NCF2: variants seen among roughly 807,000 people sequenced by gnomAD.
NCF2 encodes the protein neutrophil cytosolic factor 2.
NCF2 carries 45 observed loss-of-function variants against 70.9 expected under a neutral mutation model. That is an observed-to-expected ratio of 0.63 (90% confidence interval 0.50 to 0.81). NCF2 has a LOEUF of 0.81. NCF2 is among the 40% of genes least tolerant of loss of function. The probability of loss-of-function intolerance (pLI) is 0.00; values close to 1 mark genes in which losing one functional copy is unlikely to be tolerated. For synonymous variants in NCF2, 203 were observed against 233.6 expected (o/e 0.87, Z 1.19); for missense variants, 522 against 631.6 (o/e 0.83, Z 1.86).
In NCF2 at chr1:183,567,232, T is replaced by C; in HGVS notation, c.827A>G (p.Asn276Ser). 6.2e-7 allele frequency: 1 copy of C among 1,614,088 alleles called. No homozygotes were observed. The highest frequency in any genetic ancestry group is 8.5e-7 in the Non-Finnish European group (1 of 1,180,024). ...IVFVLKKGND[N>S]WATVMFNGQK... The stretch of plus-strand genomic sequence containing the variant: ...CCCGTTGAACATGACCGTGGCCCAG[T>C]TATCATTGCCCTTCTTCAAGACAAA... The change falls in exon 8 of 15, where the codon AAC (asparagine) becomes AGC (serine). Residue 276 changes from asparagine to serine, a missense_variant. Coordinates refer to ENST00000367535, the MANE Select transcript of NCF2 (RefSeq NM_000433.4).
intron 3 of NCF2, among the ~76,000 whole-genome samples, chr1:183,576,615 C>T (rs1202686535): frequency 6.6e-6 from 1 of 152,220 alleles, no homozygotes; most frequent in African/African-American, 2.4e-5. Context: ...AGAAACCTTA[C>T]TCGAGAAGTT....
rs779088549 is a variant in NCF2 at position 183,586,901 on chromosome 1, G to A, written c.251C>T (p.Thr84Ile). The A allele has an allele frequency of 5.6e-6, 9 of 1,613,766 alleles. No individual in the cohort carries two copies. The highest frequency in any genetic ancestry group is 7.6e-6 in the Non-Finnish European group (9 of 1,179,692). The part of the protein sequence containing the change: ...YFQRGMLYYQ[T>I]EKYDLAIKDL... Reference sequence around the variant, plus strand: ...GCAACATTGAACCACTTACTTCTCTGTCTGGTAGTAGAGCATCCCTCGTTG... The same window carrying A: ...GCAACATTGAACCACTTACTTCTCTATCTGGTAGTAGAGCATCCCTCGTTG... The change falls in exon 2 of 15, where the codon ACA (threonine) becomes ATA (isoleucine). Residue 84 changes from threonine (T) to isoleucine (I), a missense_variant. Transcript: ENST00000367535.
chr1:183,557,315 T>G (rs1475853955), intron 14 of NCF2, among the ~76,000 whole-genome samples: 1 of 152,252 alleles, frequency 6.6e-6, no homozygotes, highest in Non-Finnish European at 1.5e-5. Context: ...GAAATTTTGC[T>G]TTAATGTGTG....
At chr1:183,575,791 A>G (rs2102908758) in intron 3 of NCF2, among the ~76,000 whole-genome samples, 1 of 152,306 alleles carries the variant, frequency 6.6e-6, no homozygotes, top group East Asian at 1.9e-4. Context: ...CCTGCCAACA[A>G]TGACGTGAAC....
Position 183,555,969 on chromosome 1 carries a change from T to TTGTC in NCF2, c.*145_*148dup. Reference sequence around the variant, plus strand: ...GAAATCATCCTGGGTACTCACATCATTGTCTAGTAGGTTAAATTTTAACAG... The same window carrying TTGTC: ...GAAATCATCCTGGGTACTCACATCATTGTCTGTCTAGTAGGTTAAATTTTAACAG... On this transcript the variant is annotated 3_prime_UTR_variant, in exon 15 of 15. Transcript: ENST00000367535. The TTGTC allele has an allele frequency of 1.4e-6, 1 of 728,690 alleles. No individual in the cohort carries two copies. The highest frequency in any genetic ancestry group is 2.4e-6 in the Non-Finnish European group (1 of 413,560). The allele number at this position is 728,690 out of a possible 1,614,324, so 45.1% of individuals were successfully genotyped here. A position where few individuals can be genotyped will look rare whatever the true frequency, so the allele number is the denominator to read the frequency against.
Position 183,569,598 on chromosome 1 carries a change from A to T in NCF2, c.670-413T>A, listed in dbSNP as rs35214000. Among the ~76,000 whole-genome samples the T allele has an allele frequency of 1.8e-3, 280 of 152,062 alleles. 1 individual carries two copies. The highest frequency in any genetic ancestry group is 3.3e-3 in the Non-Finnish European group (222 of 67,958). On this transcript the variant is annotated intron_variant, in intron 6 of 14. Coordinates refer to ENST00000367535, the MANE Select transcript of NCF2 (RefSeq NM_000433.4). The stretch of plus-strand genomic sequence containing the variant: ...GTATTTTTAAATTAATTTAAAAAAA[A>T]TTTTTTTTGAGATGGAGTTTCACTC...
chr1:183,569,198 CAGG>C lies in NCF2; in HGVS notation c.670-16_670-14del. 6.2e-7 allele frequency: 1 copy of C among 1,613,936 alleles called. No homozygotes were observed. Among genetic ancestry groups the C allele is most frequent in the Non-Finnish European group, 8.5e-7 (1 of 1,179,844 alleles). On this transcript the variant is annotated splice_polypyrimidine_tract_variant and intron_variant, in intron 6 of 14. Coordinates refer to ENST00000367535, the MANE Select transcript of NCF2 (RefSeq NM_000433.4). Reference sequence around the variant, plus strand: ...GAGGCTCAGCTGCCTATTGAACATTCAGGAGAAGTGAAAACGGAAAAGGCAATG... The same window carrying C: ...GAGGCTCAGCTGCCTATTGAACATTCAGAAGTGAAAACGGAAAAGGCAATG...
In NCF2 at chr1:183,578,380, C is replaced by T. The variant is rs1672901344; in HGVS notation, c.258-673G>A. On this transcript the variant is annotated intron_variant, in intron 2 of 14. Coordinates refer to ENST00000367535, the MANE Select transcript of NCF2 (RefSeq NM_000433.4). Reference sequence around the variant, plus strand: ...CTTTTTTTTTTCTTTTTTTTTGAGACAGGGTCTCACTGTATTGCCCAGGCT... The same window carrying T: ...CTTTTTTTTTTCTTTTTTTTTGAGATAGGGTCTCACTGTATTGCCCAGGCT... Among the ~76,000 whole-genome samples, 3 of 150,094 alleles carry T rather than the reference C, an allele frequency of 2.0e-5. No individual in the cohort carries two copies. In the South Asian group the frequency reaches 6.3e-4, roughly 31 times the overall value.
At chr1:183,601,748 C>G in the NCF2 span, among the ~76,000 whole-genome samples, 2 of 151,784 alleles carry the variant, frequency 1.3e-5, no homozygotes, top group Non-Finnish European at 2.9e-5. Flanking sequence ...GTCTCACCTA[C>G]TCTGGAGGCT....
chr1:183,566,268 A>T (rs1451092425), intron 9 of NCF2, among the ~76,000 whole-genome samples: 1 of 152,212 alleles, frequency 6.6e-6, no homozygotes, highest in East Asian at 1.9e-4. Context: ...ACTTACAGGG[A>T]TGCTCAGATC....
At chr1:183,574,465 C>A (rs777594849) in intron 4 of NCF2, 22 bp downstream of exon 4, 8 of 1,614,218 alleles carry the variant, frequency 5.0e-6, no homozygotes, top group East Asian at 2.2e-5. Context: ...CCTCTCAACA[C>A]CTGCATCACC....
chr1:183,566,434 GCAT>G (rs1672302020), intron 9 of NCF2, among the ~76,000 whole-genome samples: 3 of 152,152 alleles, frequency 2.0e-5, no homozygotes, highest in Admixed American at 6.5e-5. Context: ...TATAGAGGTG[GCAT>G]CTCTCTATTT....
At chr1:183,587,088 G>A (rs1018288585) in intron 1 of NCF2, 111 bp from the exon 2 acceptor site, 1 of 1,020,076 alleles carries the variant, frequency 9.8e-7, no homozygotes, top group Non-Finnish European at 1.5e-6. Flanking sequence ...TCTGCTGTCT[G>A]CCCTCGTCGG....
intron 10 of NCF2, among the ~76,000 whole-genome samples, chr1:183,565,177 T>C (rs1672248050): frequency 6.6e-6 from 1 of 152,182 alleles, no homozygotes; most frequent in Non-Finnish European, 1.5e-5. Context: ...CAAGCGCTTA[T>C]CCAGAATCTG....
chr1:183,601,847 G>C, the NCF2 span, among the ~76,000 whole-genome samples: 5 of 131,624 alleles, frequency 3.8e-5, no homozygotes, highest in Non-Finnish European at 7.9e-5. Flanking sequence ...GACAGAGAGA[G>C]ATCTGTCTCA....
At chr1:183,560,337 A>G in intron 13 of NCF2, 64 bp from the exon 14 acceptor site, 1 of 1,566,260 alleles carries the variant, frequency 6.4e-7, no homozygotes, top group Non-Finnish European at 8.8e-7. Flanking sequence ...GAACATCACT[A>G]AAGGAAACAG....
At chr1:183,566,317 CTT>C (rs1165127322) in intron 9 of NCF2, among the ~76,000 whole-genome samples, 4 of 152,188 alleles carry the variant, frequency 2.6e-5, no homozygotes, top group African/African-American at 7.2e-5. Flanking sequence ...GAAGGACAGA[CTT>C]TTGAAGTGTG....
upstream of NCF2, among the ~76,000 whole-genome samples, chr1:183,591,630 C>T (rs1002246849): frequency 4.6e-5 from 7 of 151,970 alleles, no homozygotes; most frequent in African/African-American, 1.7e-4. Flanking sequence ...TTACAGAAGC[C>T]TGCCACCACG....
In NCF2 at chr1:183,569,025, A is replaced by G. The variant is rs1476039040; in HGVS notation, c.713+117T>C. On this transcript the variant is annotated intron_variant, in intron 7 of 14. Coordinates refer to ENST00000367535, the MANE Select transcript of NCF2 (RefSeq NM_000433.4). ...CATTCTAGAAGAAGCCTGACATTCC[A>G]GAAAATTCAACAAGATTTAGACCCT... 8 of 974,160 alleles carry G rather than the reference A, an allele frequency of 8.2e-6. No homozygotes were observed. In the East Asian group the frequency reaches 1.9e-4, roughly 23 times the overall value. The allele number at this position is 974,160 out of a possible 1,614,324, so 60.3% of individuals were successfully genotyped here.
Sources: gnomAD v4.1 joint callset for allele counts (sites outside exome capture counted in the v4.1 genomes callset) on GRCh38, gnomAD v4.1.1 for gene constraint, MANE v1.5 for transcripts, NCBI Gene and HGNC (gene_info 2026-07-23, HGNC 2026-07-21) for gene names.